The following ZBTB20 variants were observed in gnomAD, a reference collection of about 807,000 sequenced individuals.
ZBTB20 encodes the protein zinc finger and BTB domain containing 20.
ZBTB20 carries 9 observed loss-of-function variants against 56.9 expected under a neutral mutation model. That is an observed-to-expected ratio of 0.16 (90% confidence interval 0.10 to 0.28). ZBTB20 has a LOEUF of 0.28. Among genes scored for constraint, ZBTB20 ranks in the 10% least tolerant of loss-of-function variants. ZBTB20 has a pLI of 1.00. For missense variants in ZBTB20, 655 were observed against 1,003.0 expected (o/e 0.65, Z 4.69); for synonymous variants, 417 against 420.7 (o/e 0.99, Z 0.11).
At chr3:114,781,938 C>G (rs1039740653) in intron 5 of ZBTB20, among the ~76,000 whole-genome samples, 4 of 152,158 alleles carry the variant, frequency 2.6e-5, no homozygotes, top group African/African-American at 7.2e-5. Context: ...AACTGTGAGT[C>G]CATTAAACCT....
At chr3:114,944,334 G>C (rs745981705) in intron 3 of ZBTB20, among the ~76,000 whole-genome samples, 1 of 145,510 alleles carries the variant, frequency 6.9e-6, no homozygotes, top group Non-Finnish European at 1.5e-5. Flanking sequence ...AGACAGTAAG[G>C]GTTGGCAAGA....
chr3:114,735,743 A>G (rs1424031195), intron 5 of ZBTB20, among the ~76,000 whole-genome samples: 2 of 152,194 alleles, frequency 1.3e-5, no homozygotes, highest in Admixed American at 1.3e-4. Flanking sequence ...ACTTACAGAT[A>G]CATACTCATT....
chr3:115,022,416 C>A (rs1305343263), intron 2 of ZBTB20, among the ~76,000 whole-genome samples: 1 of 150,920 alleles, frequency 6.6e-6, no homozygotes. Context: ...GCACAATGTG[C>A]GAACAATGTT....
intron 5 of ZBTB20, among the ~76,000 whole-genome samples, chr3:114,698,557 G>A (rs1351322066): frequency 6.6e-6 from 1 of 152,064 alleles, no homozygotes; most frequent in Non-Finnish European, 1.5e-5. Context: ...TCCTGTACCT[G>A]AGTGCCCTCC....
chr3:114,753,518 T>C (rs1283811358), intron 5 of ZBTB20, among the ~76,000 whole-genome samples: 2 of 150,596 alleles, frequency 1.3e-5, no homozygotes, highest in African/African-American at 4.9e-5. Flanking sequence ...CACTGCAACC[T>C]CCGCCTCCCG....
At chr3:115,046,503 G>A (rs137968742) in intron 2 of ZBTB20, among the ~76,000 whole-genome samples, 1 of 152,218 alleles carries the variant, frequency 6.6e-6, no homozygotes, top group East Asian at 1.9e-4. Flanking sequence ...ATATTCTAAA[G>A]AAATTCTGCT....
At chr3:114,680,512 T>C (rs2061905666) in intron 6 of ZBTB20, among the ~76,000 whole-genome samples, 1 of 152,202 alleles carries the variant, frequency 6.6e-6, no homozygotes, top group South Asian at 2.1e-4. Flanking sequence ...ATTGATATAC[T>C]TGGCCAAGTA....
chr3:114,719,436 G>T (rs536113748), intron 5 of ZBTB20, among the ~76,000 whole-genome samples: 108 of 152,154 alleles, frequency 7.1e-4, no homozygotes, highest in Non-Finnish European at 1.2e-3. Context: ...AATATCATGA[G>T]GAACATTCTG....
At chr3:114,597,388 T>C (rs1175143163) in intron 6 of ZBTB20, among the ~76,000 whole-genome samples, 2 of 152,198 alleles carry the variant, frequency 1.3e-5, no homozygotes, top group Non-Finnish European at 2.9e-5. Flanking sequence ...TTAGAAATCA[T>C]GTGTAACTCA....
chr3:114,395,127 C>T (rs921821551), intron 7 of ZBTB20, among the ~76,000 whole-genome samples: 2 of 152,242 alleles, frequency 1.3e-5, no homozygotes, highest in Non-Finnish European at 2.9e-5. Context: ...GTTCCACTTC[C>T]CTCGTTTCTT....
chr3:114,999,090 A>AG (rs755838240), intron 2 of ZBTB20, among the ~76,000 whole-genome samples: 66 of 141,672 alleles, frequency 4.7e-4, no homozygotes, highest in Non-Finnish European at 5.1e-4. Flanking sequence ...GGAGAGGAGC[A>AG]GGGAAATGAA....
chr3:114,611,995 A>G (rs1189017155), intron 6 of ZBTB20, among the ~76,000 whole-genome samples: 1 of 152,240 alleles, frequency 6.6e-6, no homozygotes, highest in Non-Finnish European at 1.5e-5. Context: ...CTAGTCTTCA[A>G]TAACATGGCT....
intron 10 of ZBTB20, among the ~76,000 whole-genome samples, chr3:114,367,421 A>G (rs532400302): frequency 8.5e-5 from 13 of 152,232 alleles, no homozygotes; most frequent in African/African-American, 3.1e-4. Flanking sequence ...GCACACCACT[A>G]TGCCCCGCTA....
chr3:115,027,869 G>C (rs112210264), intron 2 of ZBTB20, among the ~76,000 whole-genome samples: 3 of 149,596 alleles, frequency 2.0e-5, no homozygotes, highest in African/African-American at 7.3e-5. Context: ...ATTAAGAAAG[G>C]TTCCAGAAAC....
chr3:115,103,991 A>T (rs1242724483), intron 1 of ZBTB20, among the ~76,000 whole-genome samples: 1 of 152,218 alleles, frequency 6.6e-6, no homozygotes, highest in African/African-American at 2.4e-5. Flanking sequence ...AGAATTCTTA[A>T]AACTCAACAG....
chr3:114,689,349 T>C (rs2062557028), intron 6 of ZBTB20, among the ~76,000 whole-genome samples: 1 of 152,118 alleles, frequency 6.6e-6, no homozygotes. Flanking sequence ...TATCCTTAGG[T>C]CTAAAATGAA....
At chr3:114,342,485 A>C (rs1343358234) in intron 11 of ZBTB20, among the ~76,000 whole-genome samples, 1 of 152,194 alleles carries the variant, frequency 6.6e-6, no homozygotes, top group African/African-American at 2.4e-5. Flanking sequence ...TAAATGATCC[A>C]TTTTGGGCCT....
intron 6 of ZBTB20, among the ~76,000 whole-genome samples, chr3:114,510,828 G>A (rs762739178): frequency 8.6e-5 from 13 of 151,980 alleles, no homozygotes; most frequent in Non-Finnish European, 1.5e-5. Context: ...AAAAACATCC[G>A]ATCTTACAGG....
chr3:114,681,306 G>A (rs377539633), intron 6 of ZBTB20, among the ~76,000 whole-genome samples: 33 of 152,146 alleles, frequency 2.2e-4, no homozygotes, highest in African/African-American at 4.3e-4. Context: ...ACTATTAGGC[G>A]TGTGCCACCA....
Sources: gnomAD v4.1 joint callset for allele counts (sites outside exome capture counted in the v4.1 genomes callset) on GRCh38, gnomAD v4.1.1 for gene constraint, MANE v1.5 for transcripts, NCBI Gene and HGNC (gene_info 2026-07-23, HGNC 2026-07-21) for gene names.